TAFA1: variants seen among roughly 807,000 people sequenced by gnomAD.
TAFA1 encodes chemokine-like protein TAFA-1.
Under a neutral mutation model 18.5 loss-of-function variants are expected in TAFA1, and 4 were observed. The observed-to-expected ratio is 0.22, with a 90% CI of 0.11 to 0.49. The LOEUF is 0.49. Among genes scored for constraint, TAFA1 ranks in the 20% least tolerant of loss-of-function variants. The pLI is 0.98. For synonymous variants in TAFA1, 56 were observed against 55.2 expected (o/e 1.01, Z -0.06); for missense variants, 147 against 169.0 (o/e 0.87, Z 0.72).
chr3:68,435,849 GC>G (rs2071258575), intron 3 of TAFA1, among the ~76,000 whole-genome samples: 1 of 152,130 alleles, frequency 6.6e-6, no homozygotes, highest in African/African-American at 2.4e-5. Context: ...GTAAAAACAG[GC>G]CCTTCATATA....
intron 2 of TAFA1, among the ~76,000 whole-genome samples, chr3:68,260,739 C>G (rs1249531335): frequency 6.6e-6 from 1 of 152,092 alleles, no homozygotes; most frequent in African/African-American, 2.4e-5. Context: ...GAAATTGGAT[C>G]CCTTCCTTAC....
intron 3 of TAFA1, among the ~76,000 whole-genome samples, chr3:68,444,811 TAA>T (rs2071448610): frequency 2.6e-5 from 3 of 115,058 alleles, no homozygotes; most frequent in South Asian, 2.8e-4. Context: ...TATATATATA[TAA>T]AATAAATTAA....
intron 2 of TAFA1, among the ~76,000 whole-genome samples, chr3:68,307,036 T>G (rs2068435160): frequency 6.6e-6 from 1 of 152,212 alleles, no homozygotes; most frequent in African/African-American, 2.4e-5. Context: ...GAAATCCATG[T>G]AACTACCATT....
intron 2 of TAFA1, among the ~76,000 whole-genome samples, chr3:68,185,527 G>A (rs1199729483): frequency 6.6e-6 from 1 of 152,054 alleles, no homozygotes. Context: ...TTCACTTCTT[G>A]TCTTAAATGA....
At chr3:68,122,459 C>T (rs770338872) in intron 2 of TAFA1, among the ~76,000 whole-genome samples, 6 of 152,018 alleles carry the variant, frequency 3.9e-5, no homozygotes, top group South Asian at 2.1e-4. Flanking sequence ...GAAAAAGAAT[C>T]GCAAATGAAG....
intron 2 of TAFA1, among the ~76,000 whole-genome samples, chr3:68,228,982 C>A (rs1015549909): frequency 7.2e-5 from 11 of 152,178 alleles, no homozygotes; most frequent in Non-Finnish European, 2.9e-5. Context: ...ATTCATTCTG[C>A]CCAAGATGGT....
chr3:68,416,210 T>A (rs1369930092), intron 2 of TAFA1, among the ~76,000 whole-genome samples: 1 of 152,192 alleles, frequency 6.6e-6, no homozygotes, highest in East Asian at 1.9e-4. Context: ...GATGAAAGGA[T>A]GAAGCTGTGT....
Position 68,544,487 on chromosome 3 carries a change from T to G in TAFA1, c.386T>G (p.Ile129Ser). Residue 129 changes from isoleucine (I) to serine (S), a missense_variant and splice_region_variant, in exon 5 of 5, where the codon ATT (isoleucine) becomes AGT (serine). By Grantham distance (142) the Ile-to-Ser change is moderately radical. Transcript: ENST00000478136. The stretch of plus-strand genomic sequence containing the variant: ...ATGTCTGTCTTTCTTTGGTTTCAGA[T>G]TCACCCAAGAACCTAACAGAAGCAT... ...ATGNKIKTTR[I>S]HPRT 1.2e-6 allele frequency: 2 copies of G among 1,612,412 alleles called. No homozygotes were observed. Among genetic ancestry groups the G allele is most frequent in the Non-Finnish European group, 1.7e-6 (2 of 1,178,922 alleles).
the TAFA1 span, among the ~76,000 whole-genome samples, chr3:67,991,916 T>C: frequency 1.3e-5 from 2 of 152,230 alleles, no homozygotes; most frequent in Admixed American, 1.3e-4. Flanking sequence ...CTATATCCTA[T>C]TGGTTCTGTT....
At chr3:68,305,457 A>ATG in intron 2 of TAFA1, among the ~76,000 whole-genome samples, 1 of 103,612 alleles carries the variant, frequency 9.7e-6, no homozygotes, top group Admixed American at 1.1e-4. Flanking sequence ...ATATATATAT[A>ATG]GGTAGAAGGG....
intron 2 of TAFA1, among the ~76,000 whole-genome samples, chr3:68,250,192 C>T (rs1171535182): frequency 6.6e-6 from 1 of 152,046 alleles, no homozygotes; most frequent in Non-Finnish European, 1.5e-5. Flanking sequence ...ACTGTGGAAC[C>T]CTGGGCAAAA....
At chr3:68,077,034 T>A (rs1334314976) in intron 2 of TAFA1, among the ~76,000 whole-genome samples, 22 of 152,012 alleles carry the variant, frequency 1.4e-4, no homozygotes, top group African/African-American at 4.8e-4. Flanking sequence ...ATTGTGGTTT[T>A]GATTTGCATT....
intron 2 of TAFA1, among the ~76,000 whole-genome samples, chr3:68,125,649 A>G (rs2065455140): frequency 6.6e-6 from 1 of 152,182 alleles, no homozygotes; most frequent in Non-Finnish European, 1.5e-5. Context: ...AATTCTTGTT[A>G]AAAGAATTTA....
chr3:68,174,610 G>A (rs960836328), intron 2 of TAFA1, among the ~76,000 whole-genome samples: 1 of 152,184 alleles, frequency 6.6e-6, no homozygotes, highest in African/African-American at 2.4e-5. Context: ...AGATGATTTA[G>A]TGTATCTGGC....
intron 2 of TAFA1, among the ~76,000 whole-genome samples, chr3:68,415,918 T>C (rs1057239709): frequency 7.2e-5 from 11 of 152,190 alleles, no homozygotes; most frequent in African/African-American, 2.7e-4. Flanking sequence ...TCAGAGACTC[T>C]TGCGTTTCTT....
chr3:68,386,166 TC>T (rs1194362837), intron 2 of TAFA1, among the ~76,000 whole-genome samples: 1 of 152,140 alleles, frequency 6.6e-6, no homozygotes. Flanking sequence ...TAATATTTTT[TC>T]AGTAACACAC....
intron 2 of TAFA1, among the ~76,000 whole-genome samples, chr3:68,034,335 G>C (rs1288012188): frequency 1.3e-5 from 2 of 152,138 alleles, no homozygotes; most frequent in African/African-American, 4.8e-5. Flanking sequence ...CACTACTCTA[G>C]TCTCCTTGTT....
chr3:68,389,381 C>T (rs553880388), intron 2 of TAFA1, among the ~76,000 whole-genome samples: 1 of 151,052 alleles, frequency 6.6e-6, no homozygotes, highest in African/African-American at 2.4e-5. Context: ...AATAACTGTC[C>T]CATTTTTTCT....
chr3:68,129,134 G>A (rs1271792243), intron 2 of TAFA1, among the ~76,000 whole-genome samples: 1 of 152,146 alleles, frequency 6.6e-6, no homozygotes, highest in Non-Finnish European at 1.5e-5. Flanking sequence ...GGCAGGAGGG[G>A]GTTTGTTGTC....
Sources: gnomAD v4.1 joint callset for allele counts (sites outside exome capture counted in the v4.1 genomes callset) on GRCh38, gnomAD v4.1.1 for gene constraint, MANE v1.5 for transcripts, NCBI Gene and HGNC (gene_info 2026-07-23, HGNC 2026-07-21) for gene names.